GRIA4: variants seen among roughly 807,000 people sequenced by gnomAD.
The protein encoded by GRIA4 is glutamate ionotropic receptor AMPA type subunit 4, also known as glutamate receptor 4.
In GRIA4, 34 loss-of-function variants were observed where a neutral mutation model predicts 104.0. The observed-to-expected ratio is 0.33, with a 90% confidence interval of 0.25 to 0.44. GRIA4 has a LOEUF of 0.44. Ranked by LOEUF, GRIA4 falls within the 20% of genes least tolerant of loss-of-function variation. The probability of loss-of-function intolerance (pLI) is 1.00; values close to 1 mark genes in which losing one functional copy is unlikely to be tolerated. For synonymous variants in GRIA4, 386 were observed against 381.9 expected (o/e 1.01, Z -0.13); for missense variants, 750 against 1,096.5 (o/e 0.68, Z 4.46).
Position 105,665,034 on chromosome 11 carries a change from A to C in GRIA4, c.247+52600A>C, listed in dbSNP as rs1168165761. ...TTTGGGAGATAATTCTAAATGAATT[A>C]ATTTGAGGTAATTTGAGGTAATGAC... On this transcript the variant is annotated intron_variant, in intron 3 of 16. Transcript: ENST00000282499. 2.6e-5 allele frequency among the ~76,000 whole-genome samples: 4 copies of C among 152,170 alleles called. No individual in the cohort carries two copies. The East Asian group carries it at 5.8e-4, about 22-fold the overall frequency.
intron 14 of GRIA4, among the ~76,000 whole-genome samples, chr11:105,956,793 T>C (rs933212178): frequency 1.3e-5 from 2 of 152,180 alleles, no homozygotes; most frequent in African/African-American, 4.8e-5. Context: ...TTTTAATGAT[T>C]GCCATTCTAA....
At chr11:105,905,614 C>A (rs1013604327) in intron 9 of GRIA4, among the ~76,000 whole-genome samples, 1 of 151,992 alleles carries the variant, frequency 6.6e-6, no homozygotes, top group Non-Finnish European at 1.5e-5. Context: ...GAAGAGAACA[C>A]GAAGCAGTAA....
intron 4 of GRIA4, among the ~76,000 whole-genome samples, chr11:105,824,948 T>C (rs566544691): frequency 4.5e-4 from 68 of 152,188 alleles, no homozygotes; most frequent in African/African-American, 1.6e-3. Flanking sequence ...CAGACTTTGA[T>C]TCCAGTCAGT....
intron 3 of GRIA4, among the ~76,000 whole-genome samples, chr11:105,713,200 T>C (rs898844673): frequency 5.3e-5 from 8 of 151,994 alleles, no homozygotes; most frequent in African/African-American, 9.7e-5. Context: ...CTAGCCAACA[T>C]GGTGAAACGC....
chr11:105,729,218 T>C (rs781542710), intron 3 of GRIA4, among the ~76,000 whole-genome samples: 12 of 152,146 alleles, frequency 7.9e-5, no homozygotes, highest in Admixed American at 7.9e-4. Flanking sequence ...GAGAATACTA[T>C]AAACACACCT....
intron 4 of GRIA4, among the ~76,000 whole-genome samples, chr11:105,771,212 G>T (rs769743925): frequency 3.3e-5 from 5 of 151,936 alleles, no homozygotes; most frequent in Non-Finnish European, 7.4e-5. Context: ...TGCCATTCTA[G>T]TTCTATCCAT....
At chr11:105,959,123 G>T (rs1292075119) in intron 14 of GRIA4, among the ~76,000 whole-genome samples, 18 of 152,090 alleles carry the variant, frequency 1.2e-4, no homozygotes, top group Admixed American at 1.2e-3. Context: ...TCTTAATAGT[G>T]TTCTCTGTAT....
intron 7 of GRIA4, among the ~76,000 whole-genome samples, chr11:105,901,720 C>T (rs1946861766): frequency 6.6e-6 from 1 of 152,208 alleles, no homozygotes; most frequent in South Asian, 2.1e-4. Context: ...GTGATACCTG[C>T]TCTTTTTTCT....
intron 13 of GRIA4, 108 bp downstream of exon 13, chr11:105,927,047 A>G: frequency 1.5e-6 from 1 of 688,988 alleles, no homozygotes; most frequent in Non-Finnish European, 2.5e-6. Context: ...TTACAAACAC[A>G]ATAGTAATAG....
At chr11:105,731,883 G>C (rs930388802) in intron 3 of GRIA4, among the ~76,000 whole-genome samples, 1 of 151,976 alleles carries the variant, frequency 6.6e-6, no homozygotes, top group African/African-American at 2.4e-5. Flanking sequence ...GTCGGGGGGT[G>C]GGGGACAAGG....
intron 4 of GRIA4, among the ~76,000 whole-genome samples, chr11:105,778,461 CTT>C (rs1354158843): frequency 6.6e-6 from 1 of 152,212 alleles, no homozygotes; most frequent in Non-Finnish European, 1.5e-5. Context: ...AATCCCAACA[CTT>C]TGGGAGGCCG....
chr11:105,692,799 ATAACT>A (rs1368943384), intron 3 of GRIA4, among the ~76,000 whole-genome samples: 2 of 152,328 alleles, frequency 1.3e-5, no homozygotes, highest in South Asian at 4.1e-4. Context: ...AGTAATGCAA[ATAACT>A]TAATATAGAT....
chr11:105,718,420 C>T (rs937604295), intron 3 of GRIA4, among the ~76,000 whole-genome samples: 4 of 152,202 alleles, frequency 2.6e-5, no homozygotes, highest in East Asian at 1.9e-4. Context: ...GCACAATCTC[C>T]TCCCACCTCA....
intron 3 of GRIA4, among the ~76,000 whole-genome samples, chr11:105,631,597 A>G (rs1419364384): frequency 6.6e-6 from 1 of 152,166 alleles, no homozygotes; most frequent in Non-Finnish European, 1.5e-5. Context: ...GCCCCTGTTA[A>G]TATGCAGCTT....
chr11:105,808,477 CT>C (rs1481565872), intron 4 of GRIA4, among the ~76,000 whole-genome samples: 4 of 151,882 alleles, frequency 2.6e-5, no homozygotes, highest in African/African-American at 9.7e-5. Context: ...AATCTTCATT[CT>C]TTTTTATTAT....
At chr11:105,713,960 G>A (rs935745774) in intron 3 of GRIA4, among the ~76,000 whole-genome samples, 4 of 152,144 alleles carry the variant, frequency 2.6e-5, no homozygotes, top group African/African-American at 9.7e-5. Flanking sequence ...GCTGTGCTCA[G>A]CTAATTTTGT....
chr11:105,738,201 T>G (rs1212456048), intron 3 of GRIA4, among the ~76,000 whole-genome samples: 1 of 152,188 alleles, frequency 6.6e-6, no homozygotes, highest in Non-Finnish European at 1.5e-5. Context: ...GTAAATTAAC[T>G]TTGGTAACTT....
At chr11:105,728,530 C>T (rs772807172) in intron 3 of GRIA4, among the ~76,000 whole-genome samples, 6 of 152,170 alleles carry the variant, frequency 3.9e-5, no homozygotes, top group African/African-American at 7.2e-5. Context: ...GAACTCTCCA[C>T]CCCAAAGCAA....
intron 4 of GRIA4, among the ~76,000 whole-genome samples, chr11:105,832,569 C>T (rs1392294358): frequency 6.6e-6 from 1 of 151,790 alleles, no homozygotes; most frequent in Non-Finnish European, 1.5e-5. Flanking sequence ...AAACTGAAGC[C>T]GAGAGAAGTG....
Sources: allele counts gnomAD v4.1 joint callset (sites outside exome capture counted in the v4.1 genomes callset), GRCh38; gene constraint gnomAD v4.1.1; transcripts MANE v1.5; gene names NCBI Gene and HGNC (gene_info 2026-07-23, HGNC 2026-07-21).